SFXN5: variants seen among roughly 807,000 people sequenced by gnomAD.
The protein encoded by SFXN5 is sideroflexin 5.
SFXN5 carries 43 observed loss-of-function variants against 50.2 expected under a neutral mutation model. The ratio of observed to expected loss-of-function variants is 0.86; its 90% CI spans 0.67 to 1.11. The LOEUF is 1.11. Among genes scored for constraint, SFXN5 ranks in the 50% least tolerant of loss-of-function variants. The pLI is 0.00. For synonymous variants in SFXN5, 203 were observed against 185.8 expected (o/e 1.09, Z -0.75); for missense variants, 463 against 454.1 (o/e 1.02, Z -0.18).
intron 2 of SFXN5, chr2:73,044,513 G>C (rs1428334555): frequency 6.6e-6 from 1 of 152,392 alleles, no homozygotes; most frequent in African/African-American, 2.4e-5. Flanking sequence ...CCTGGGAAAT[G>C]GGAGGAGAGT....
chr2:72,991,254 A>T (rs1672563589), intron 9 of SFXN5, among the ~76,000 whole-genome samples: 1 of 152,158 alleles, frequency 6.6e-6, no homozygotes, highest in Non-Finnish European at 1.5e-5. Context: ...AAGAACGAAG[A>T]GAGAAAACAG....
At chr2:73,042,496 C>T (rs1426108856) in intron 2 of SFXN5, 1 of 152,064 alleles carries the variant, frequency 6.6e-6, no homozygotes, top group African/African-American at 2.4e-5. Context: ...ACCTGTAATC[C>T]CAGCTACTCA....
chr2:73,039,776 C>CTATTTTATTTTATTT (rs56382816), intron 3 of SFXN5, among the ~76,000 whole-genome samples: 1,674 of 145,648 alleles, frequency 0.011, 15 homozygotes, highest in African/African-American at 0.035. Context: ...CTTACAAGCA[C>CTATTTTATTTTATTT]TATTTTATTT....
intron 3 of SFXN5, among the ~76,000 whole-genome samples, 170 bp from the exon 4 acceptor site, chr2:73,023,384 G>A (rs1677155663): frequency 6.6e-6 from 1 of 152,140 alleles, no homozygotes; most frequent in Non-Finnish European, 1.5e-5. Flanking sequence ...TCCTGGGGGG[G>A]GTGACATCAG....
intron 2 of SFXN5, among the ~76,000 whole-genome samples, chr2:73,047,255 T>TATATATATATATATATATACACACAC (rs1559199686): frequency 1.5e-4 from 9 of 61,872 alleles, no homozygotes; most frequent in South Asian, 5.6e-4. Context: ...AATATATATA[T>TATATATATATATATATATACACACAC]ATATATATAT....
chr2:72,989,346 G>A (rs560463335), intron 9 of SFXN5, among the ~76,000 whole-genome samples: 19 of 152,258 alleles, frequency 1.2e-4, no homozygotes, highest in African/African-American at 4.3e-4. Flanking sequence ...ACCTGAGGCA[G>A]GTAAGTCATT....
Position 72,979,264 on chromosome 2 carries a change from G to A in SFXN5, c.626-7579C>T, listed in dbSNP as rs369228161. Among the ~76,000 whole-genome samples the A allele has an allele frequency of 1.1e-4, 17 of 152,236 alleles. No homozygotes were observed. In the South Asian group the frequency reaches 2.9e-3, roughly 26 times the overall value. ...AGAGAAAGAAACCAGAATCAAGAAG[G>A]CAGAGGGCTTTGAGTGTATCTAACG... On this transcript the variant is annotated intron_variant, in intron 10 of 13. Coordinates refer to ENST00000272433, the MANE Select transcript of SFXN5 (RefSeq NM_144579.3).
intron 1 of SFXN5, among the ~76,000 whole-genome samples, chr2:73,068,721 C>G (rs1574281628): frequency 6.6e-6 from 1 of 151,982 alleles, no homozygotes; most frequent in African/African-American, 2.4e-5. Flanking sequence ...GCACAGCCCC[C>G]ACTTCTGCAA....
At chr2:73,023,317 G>A (rs925720802) in intron 3 of SFXN5, 103 bp from the exon 4 acceptor site, 70 of 1,196,232 alleles carry the variant, frequency 5.9e-5, no homozygotes, top group African/African-American at 3.1e-4. Context: ...ATCCAGCTCC[G>A]AAAGCCCGAA....
In SFXN5 at chr2:72,968,471, CG is replaced by C. The variant is rs1559100139; in HGVS notation, c.803del (p.Pro268ArgfsTer54). On this transcript the variant is annotated frameshift_variant, in exon 12 of 14. Coordinates refer to ENST00000272433, the MANE Select transcript of SFXN5 (RefSeq NM_144579.3). LOFTEE classifies it high-confidence loss of function. ...ACTTCTCCAGCATGGACATGACGAT[CG>C]GGGGTAGCACCAGGATGGGCATGGG... ...VLPMPILVLP[P>X]IVMSMLEKTA... 5.6e-6 allele frequency: 9 copies of C among 1,612,918 alleles called. No individual in the cohort carries two copies. Among genetic ancestry groups the C allele is most frequent in the Non-Finnish European group, 7.6e-6 (9 of 1,179,902 alleles).
intron 9 of SFXN5, among the ~76,000 whole-genome samples, chr2:72,995,864 T>C (rs1454255373): frequency 6.6e-6 from 1 of 152,180 alleles, no homozygotes; most frequent in Non-Finnish European, 1.5e-5. Context: ...AAGCTGCCGA[T>C]TTTCCAAGTC....
intron 12 of SFXN5, among the ~76,000 whole-genome samples, chr2:72,963,945 C>T (rs1007200413): frequency 5.3e-5 from 8 of 152,184 alleles, no homozygotes; most frequent in Non-Finnish European, 1.0e-4. Context: ...GTGGACTGCA[C>T]CCCCCAGAGG....
At chr2:72,999,037 C>T (rs1673595373) in intron 8 of SFXN5, 23 bp from the exon 9 acceptor site, 1 of 1,613,470 alleles carries the variant, frequency 6.2e-7, no homozygotes, top group Admixed American at 1.7e-5. Flanking sequence ...GGCAGAATTT[C>T]AGGCCTGCTG....
chr2:72,994,613 T>A (rs1461558287), intron 9 of SFXN5, among the ~76,000 whole-genome samples: 1 of 152,100 alleles, frequency 6.6e-6, no homozygotes, highest in East Asian at 1.9e-4. Flanking sequence ...CAGCACTTCA[T>A]CCCTGAGTCT....
At chr2:73,009,690 C>A (rs1033534900) in intron 6 of SFXN5, among the ~76,000 whole-genome samples, 7 of 152,208 alleles carry the variant, frequency 4.6e-5, no homozygotes, top group Non-Finnish European at 7.3e-5. Flanking sequence ...CAGAAGGATG[C>A]TTGCTCCAGG....
intron 6 of SFXN5, among the ~76,000 whole-genome samples, chr2:73,017,373 G>A (rs904884370): frequency 1.3e-5 from 2 of 152,122 alleles, no homozygotes; most frequent in Non-Finnish European, 2.9e-5. Context: ...TAATAAGAAT[G>A]GAGAAACAAC....
intron 4 of SFXN5, 108 bp from the exon 5 acceptor site, chr2:73,022,684 A>G: frequency 1.4e-6 from 1 of 725,152 alleles, no homozygotes; most frequent in South Asian, 1.6e-5. Flanking sequence ...GGGAGGAAGA[A>G]GGGAAGAAGA....
intron 2 of SFXN5, 113 bp downstream of exon 2, chr2:73,058,415 A>G: frequency 1.0e-6 from 1 of 954,264 alleles, no homozygotes; most frequent in Non-Finnish European, 1.7e-6. Flanking sequence ...CTCACCTCTC[A>G]CCTCCCCTAT....
chr2:73,001,474 C>T, intron 7 of SFXN5, 51 bp downstream of exon 7: 1 of 1,598,974 alleles, frequency 6.3e-7, no homozygotes, highest in Non-Finnish European at 8.6e-7. Context: ...TCTTAACCAG[C>T]ACCTGTGTGG....
Sources: gnomAD v4.1 joint callset for allele counts (sites outside exome capture counted in the v4.1 genomes callset) on GRCh38, gnomAD v4.1.1 for gene constraint, MANE v1.5 for transcripts, NCBI Gene and HGNC (gene_info 2026-07-23, HGNC 2026-07-21) for gene names.